CLCN1: variants seen among roughly 807,000 people sequenced by gnomAD.
The protein encoded by CLCN1 is chloride channel protein 1.
Under a neutral mutation model 114.5 loss-of-function variants are expected in CLCN1, and 100 were observed. The ratio of observed to expected loss-of-function variants is 0.87; its 90% CI spans 0.74 to 1.03. CLCN1 has a LOEUF of 1.03. Among genes scored for constraint, CLCN1 ranks in the 50% least tolerant of loss-of-function variants. The pLI, the probability that CLCN1 is intolerant of heterozygous loss-of-function variation, is 0.00. For missense variants in CLCN1, 1,188 were observed against 1,250.0 expected, an observed-to-expected ratio of 0.95 and a Z score of 0.75; for synonymous variants, 485 against 487.1, an observed-to-expected ratio of 1.00 and a Z score of 0.06.
At chr7:143,322,986 G>A (rs937685210) in intron 5 of CLCN1, among the ~76,000 whole-genome samples, 12 of 152,144 alleles carry the variant, frequency 7.9e-5, no homozygotes, top group African/African-American at 2.9e-4. Flanking sequence ...TCTCAGCCTG[G>A]AACATTCTTC....
chr7:143,348,780 T>C (rs930969119), intron 20 of CLCN1, among the ~76,000 whole-genome samples: 4 of 152,178 alleles, frequency 2.6e-5, no homozygotes, highest in Admixed American at 2.6e-4. Flanking sequence ...TTCTAACCGG[T>C]ACCGAGCTTA....
intron 12 of CLCN1, among the ~76,000 whole-genome samples, chr7:143,335,629 C>T (rs920594602): frequency 6.7e-6 from 1 of 149,440 alleles, no homozygotes; most frequent in Non-Finnish European, 1.5e-5. Context: ...AGCATCTGTA[C>T]AGGCAGGTAA....
rs766601004 is a variant in CLCN1 at position 143,346,239 on chromosome 7, C to A, written c.2272C>A (p.Pro758Thr). The change falls in exon 18 of 23, where the codon CCA (proline) becomes ACA (threonine). Residue 758 changes from proline to threonine, a missense_variant. Pro to Thr is a conservative substitution (Grantham distance 38, BLOSUM62 -1). Coordinates refer to ENST00000343257, the MANE Select transcript of CLCN1 (RefSeq NM_000083.3). ...LPGHKQQPEA[P>T]EPAGQRPSIF... Reference sequence around the variant, plus strand: ...TGGCCACAAACAGCAGCCGGAAGCACCAGAGCCTGCAGGTGACGCTCTTCC... The same window carrying A: ...TGGCCACAAACAGCAGCCGGAAGCAACAGAGCCTGCAGGTGACGCTCTTCC... The A allele has an allele frequency of 6.2e-7, 1 of 1,610,390 alleles. No homozygotes were observed. The highest frequency in any genetic ancestry group is 1.1e-5 in the South Asian group (1 of 91,004).
intron 7 of CLCN1, among the ~76,000 whole-genome samples, chr7:143,329,640 G>A (rs565497488): frequency 2.0e-5 from 3 of 152,316 alleles, no homozygotes; most frequent in South Asian, 4.1e-4. Context: ...GCGAGGTGCT[G>A]CCTGAAGAGG....
intron 22 of CLCN1, 86 bp from the exon 23 acceptor site, chr7:143,351,508 C>A (rs2116400598): frequency 7.0e-7 from 1 of 1,428,016 alleles, no homozygotes; most frequent in Non-Finnish European, 9.6e-7. Flanking sequence ...TTTCATTGTA[C>A]CTGTTCTTTT....
rs1563086806 is a variant in CLCN1 at position 143,345,507 on chromosome 7, T to C, written c.1931-14T>C. The C allele has an allele frequency of 6.6e-7, 1 of 1,525,780 alleles. No homozygotes were observed. The highest frequency in any genetic ancestry group is 8.8e-7 in the Non-Finnish European group (1 of 1,129,968). The allele number at this position is 1,525,780 out of a possible 1,614,324, so 94.5% of individuals were successfully genotyped here. ...TTGGAGGGGGCGCTCAGGCAGGGCGTGGGTTTCCCTCAGATTCAATGATCC... is the reference window on the plus strand; with the variant it reads ...TTGGAGGGGGCGCTCAGGCAGGGCGCGGGTTTCCCTCAGATTCAATGATCC... On this transcript the variant is annotated splice_polypyrimidine_tract_variant and intron_variant, in intron 16 of 22. Coordinates refer to ENST00000343257, the MANE Select transcript of CLCN1 (RefSeq NM_000083.3).
At chr7:143,341,395 C>T (rs1034502155) in intron 14 of CLCN1, among the ~76,000 whole-genome samples, 1 of 151,868 alleles carries the variant, frequency 6.6e-6, no homozygotes, top group African/African-American at 2.4e-5. Flanking sequence ...CCTGTTTCTA[C>T]TAAAAATACA....
At position 143,321,789 on chromosome 7, in the gene CLCN1, G is replaced by A. The variant is rs756755417; in HGVS notation, c.637G>A (p.Val213Met). Residue 213 changes from valine to methionine, a missense_variant, in exon 5 of 23, where the codon GTG (valine) becomes ATG (methionine). Coordinates refer to ENST00000343257, the MANE Select transcript of CLCN1 (RefSeq NM_000083.3). The surrounding 1 kb of genome is among the most constrained non-coding windows in gnomAD (Gnocchi z 4.2). ...GGAATACCTCACAATGAAAGCCTTTGTGGCCAAGGTTGTCGCCCTGACTGC... is the reference window on the plus strand; with the variant it reads ...GGAATACCTCACAATGAAAGCCTTTATGGCCAAGGTTGTCGCCCTGACTGC... ...LKEYLTMKAFVAKVVALTAGL... is the reference protein window; with the variant it reads ...LKEYLTMKAFMAKVVALTAGL... The A allele has an allele frequency of 1.2e-5, 20 of 1,614,142 alleles. No homozygotes were observed. The African/African-American group carries it at 1.3e-4, about 11-fold the overall frequency.
rs1803220621 is a variant in CLCN1, at chr7:143,345,704, C to G, written c.2114C>G (p.Pro705Arg). The G allele has an allele frequency of 6.4e-7, 1 of 1,564,802 alleles. No homozygotes were observed. The highest frequency in any genetic ancestry group is 1.4e-5 in the African/African-American group (1 of 73,700). ...EGLPGAPPGRPESFAFVDEDE... is the reference protein window; with the variant it reads ...EGLPGAPPGRRESFAFVDEDE... ...CTCCCCGGCGCGCCTCCAGGCCGGC[C>G]CGAGTCCTTCGCCTTTGTGGATGAG... The change falls in exon 17 of 23, where the codon CCC becomes CGC. Residue 705 changes from proline (P) to arginine (R), a missense_variant. By Grantham distance (103) the Pro-to-Arg change is moderately radical. Transcript: ENST00000343257.
intron 20 of CLCN1, 113 bp downstream of exon 20, chr7:143,347,062 G>A: frequency 2.0e-6 from 2 of 983,868 alleles, no homozygotes; most frequent in Non-Finnish European, 3.3e-6. Context: ...GGTCTGGATG[G>A]GAAGTGTTTT....
chr7:143,329,792 G>T (rs1196115903), intron 7 of CLCN1, among the ~76,000 whole-genome samples: 1 of 152,190 alleles, frequency 6.6e-6, no homozygotes, highest in Non-Finnish European at 1.5e-5. Context: ...TGATAAAGAT[G>T]AGGCTTAGCC....
chr7:143,321,638 C>A lies in CLCN1; in HGVS notation c.563-77C>A, dbSNP rs1166765941. The A allele has an allele frequency of 6.2e-7, 1 of 1,608,778 alleles. No individual in the cohort carries two copies. Among genetic ancestry groups the A allele is most frequent in the African/African-American group, 1.3e-5 (1 of 74,838 alleles). On this transcript the variant is annotated intron_variant, in intron 4 of 22. Transcript: ENST00000343257. The surrounding 1 kb of genome is among the most constrained non-coding windows in gnomAD (Gnocchi z 4.2). ...CTGCCTCTTCAGCCCTCTCCAATTC[C>A]CATTCCCATATTCTGGACATTCATC...
At chr7:143,332,527 G>A (rs1164456876) in intron 11 of CLCN1, 24 bp downstream of exon 11, 1 of 1,592,122 alleles carries the variant, frequency 6.3e-7, no homozygotes, top group South Asian at 1.1e-5. Flanking sequence ...GGGGCCACAT[G>A]GTAAAGAGGA....
chr7:143,323,781 C>G (rs1802511543), intron 6 of CLCN1: 1 of 479,820 alleles, frequency 2.1e-6, no homozygotes, highest in Non-Finnish European at 4.3e-6. Context: ...CCTGCCCCAC[C>G]CCTCCACCCC....
At chr7:143,349,310 G>A (rs965015412) in intron 20 of CLCN1, among the ~76,000 whole-genome samples, 12 of 152,188 alleles carry the variant, frequency 7.9e-5, no homozygotes, top group African/African-American at 2.9e-4. Flanking sequence ...AGTCATGATT[G>A]TAATCCAGAA....
intron 14 of CLCN1, among the ~76,000 whole-genome samples, chr7:143,341,615 A>T (rs958124824): frequency 3.3e-5 from 5 of 151,620 alleles, no homozygotes; most frequent in Admixed American, 6.6e-5. Context: ...ATAATAAAAT[A>T]AAATGCTCAG....
intron 5 of CLCN1, among the ~76,000 whole-genome samples, chr7:143,322,376 G>A (rs186389071): frequency 1.0e-3 from 154 of 152,190 alleles, no homozygotes; most frequent in Admixed American, 1.2e-3. Context: ...GCCTCCTTCC[G>A]TTCTCTGCTG....
chr7:143,321,976 A>T lies in CLCN1; in HGVS notation c.696+128A>T, dbSNP rs1322070761. 9.6e-7 allele frequency: 1 copy of T among 1,041,750 alleles called. No homozygotes were observed. The highest frequency in any genetic ancestry group is 1.6e-5 in the African/African-American group (1 of 62,448). The allele number at this position is 1,041,750 out of a possible 1,614,324, so 64.5% of individuals were successfully genotyped here. ...AGGACCAAGGCCAGGGCCAGGGGAC[A>T]CTAGGAAGGGGAAATGCTTTGGAAG... On this transcript the variant is annotated intron_variant, in intron 5 of 22. Coordinates refer to ENST00000343257, the MANE Select transcript of CLCN1 (RefSeq NM_000083.3). This position sits in a 1 kb window ranked among gnomAD's most constrained non-coding sequence, Gnocchi z 4.2.
Position 143,350,488 on chromosome 7 carries a change from G to A in CLCN1, c.2508+12G>A. 6.2e-7 allele frequency: 1 copy of A among 1,612,580 alleles called. No homozygotes were observed. The highest frequency in any genetic ancestry group is 8.5e-7 in the Non-Finnish European group (1 of 1,178,588). Reference sequence around the variant, plus strand: ...CAACCCTGCACAAGGTGAGTCTTTTGCTGACTGCTCAGGGCTGTGGGGAAG... The same window carrying A: ...CAACCCTGCACAAGGTGAGTCTTTTACTGACTGCTCAGGGCTGTGGGGAAG... On this transcript the variant is annotated intron_variant, in intron 21 of 22. Coordinates refer to ENST00000343257, the MANE Select transcript of CLCN1 (RefSeq NM_000083.3). The surrounding 1 kb of genome is among the most constrained non-coding windows in gnomAD (Gnocchi z 5.1).
Sources: allele counts gnomAD v4.1 joint callset (sites outside exome capture counted in the v4.1 genomes callset), GRCh38; gene constraint gnomAD v4.1.1; non-coding constraint Gnocchi (gnomAD v3.1); transcripts MANE v1.5; gene names NCBI Gene and HGNC (gene_info 2026-07-23, HGNC 2026-07-21).